Variants in UBE2K observed in about 807,000 individuals in gnomAD.
UBE2K encodes the protein ubiquitin conjugating enzyme E2 K, also known as ubiquitin-conjugating enzyme E2 K.
A neutral mutation model predicts 30.0 loss-of-function variants in UBE2K; 6 were observed. The ratio of observed to expected loss-of-function variants is 0.20; its 90% CI spans 0.11 to 0.39. The LOEUF (loss-of-function observed/expected upper bound fraction) is 0.39, where lower values mean the gene tolerates loss of function less well. Ranked by LOEUF, UBE2K falls within the 10% of genes least tolerant of loss-of-function variation. The pLI is 1.00. For missense variants in UBE2K, 61 were observed against 241.6 expected, an observed-to-expected ratio of 0.25 and a Z score of 4.96; for synonymous variants, 86 against 83.7, an observed-to-expected ratio of 1.03 and a Z score of -0.15.
rs1013862876 is a variant in UBE2K at position 39,707,711 on chromosome 4, G to A, written c.63+9321G>A. ...TAATTTTTATTTTTTGTAGAGATGG[G>A]GTCTCATTGTGTTGCCCAGGTTGGT... On this transcript the variant is annotated intron_variant, in intron 1 of 6. Transcript: ENST00000261427. Among the ~76,000 whole-genome samples the A allele has an allele frequency of 2.6e-5, 4 of 151,144 alleles. No homozygotes were observed. The South Asian group carries it at 8.3e-4, about 32-fold the overall frequency.
At chr4:39,721,968 G>A (rs910844989) in intron 1 of UBE2K, among the ~76,000 whole-genome samples, 14 of 152,010 alleles carry the variant, frequency 9.2e-5, no homozygotes, top group Non-Finnish European at 1.8e-4. Flanking sequence ...ATGTGGCTGT[G>A]GTCCCAGCTG....
chr4:39,762,559 T>C (rs1265221094), intron 4 of UBE2K, among the ~76,000 whole-genome samples: 1 of 152,142 alleles, frequency 6.6e-6, no homozygotes, highest in African/African-American at 2.4e-5. Flanking sequence ...CAGCAGAAGA[T>C]GAAAGAGGAG....
At chr4:39,719,042 G>C (rs1719274568) in intron 1 of UBE2K, among the ~76,000 whole-genome samples, 1 of 152,244 alleles carries the variant, frequency 6.6e-6, no homozygotes, top group Non-Finnish European at 1.5e-5. Context: ...GGCTGTGAGG[G>C]CTGCCAGCAC....
intron 4 of UBE2K, among the ~76,000 whole-genome samples, chr4:39,759,141 A>T (rs1423477918): frequency 6.6e-6 from 1 of 152,216 alleles, no homozygotes; most frequent in Non-Finnish European, 1.5e-5. Flanking sequence ...TCTTAATCAT[A>T]GGAAAAATGA....
chr4:39,749,952 ACT>A (rs1353706352), intron 3 of UBE2K, among the ~76,000 whole-genome samples: 1 of 152,150 alleles, frequency 6.6e-6, no homozygotes, highest in Admixed American at 6.6e-5. Context: ...TAATCCCAGG[ACT>A]CTGGGAGGCC....
At chr4:39,732,207 TCTTATC>T (rs1299165012) in intron 1 of UBE2K, among the ~76,000 whole-genome samples, 1 of 152,232 alleles carries the variant, frequency 6.6e-6, no homozygotes, top group Non-Finnish European at 1.5e-5. Flanking sequence ...TGAGGAACTA[TCTTATC>T]CTTAGTTGAC....
At chr4:39,747,021 C>T (rs1273664280) in intron 3 of UBE2K, among the ~76,000 whole-genome samples, 1 of 152,120 alleles carries the variant, frequency 6.6e-6, no homozygotes, top group East Asian at 1.9e-4. Flanking sequence ...AGCAGTCACT[C>T]AGAATGTTCT....
chr4:39,750,707 T>G (rs867461231), intron 3 of UBE2K, among the ~76,000 whole-genome samples: 1 of 147,714 alleles, frequency 6.8e-6, no homozygotes, highest in Non-Finnish European at 1.5e-5. Context: ...GAGATAATCT[T>G]GAAGATTAAA....
At chr4:39,736,947 GT>G (rs1285678271) in intron 1 of UBE2K, among the ~76,000 whole-genome samples, 1 of 152,176 alleles carries the variant, frequency 6.6e-6, no homozygotes, top group African/African-American at 2.4e-5. Context: ...AACATTTAAA[GT>G]TGTTATGGTT....
chr4:39,773,365 G>C (rs1312345545), intron 4 of UBE2K, among the ~76,000 whole-genome samples: 1 of 152,016 alleles, frequency 6.6e-6, no homozygotes, highest in Non-Finnish European at 1.5e-5. Context: ...CTACTTGTGA[G>C]GCTGAGGCAG....
chr4:39,707,690 T>C (rs1718445979), intron 1 of UBE2K, among the ~76,000 whole-genome samples: 1 of 151,166 alleles, frequency 6.6e-6, no homozygotes. Flanking sequence ...CCTGGCTAAT[T>C]TTTATTTTTT....
intron 1 of UBE2K, among the ~76,000 whole-genome samples, chr4:39,736,836 C>T (rs1336923768): frequency 6.6e-6 from 1 of 152,166 alleles, no homozygotes; most frequent in Non-Finnish European, 1.5e-5. Flanking sequence ...TCTTTTGAGG[C>T]ATTTAGTCCT....
chr4:39,757,011 G>GTTTGT (rs1721558962), intron 4 of UBE2K, among the ~76,000 whole-genome samples: 2 of 76,824 alleles, frequency 2.6e-5, no homozygotes, highest in Non-Finnish European at 5.0e-5. Context: ...TTTTTTTTTT[G>GTTTGT]TTTTTTGTTT....
intron 3 of UBE2K, among the ~76,000 whole-genome samples, chr4:39,752,278 G>C (rs374182458): frequency 1.3e-5 from 2 of 149,606 alleles, no homozygotes; most frequent in Non-Finnish European, 3.0e-5. Context: ...TGCAGTAGCT[G>C]GGACTACAGG....
intron 3 of UBE2K, among the ~76,000 whole-genome samples, chr4:39,752,526 CG>C (rs1443059786): frequency 1.3e-5 from 2 of 151,744 alleles, no homozygotes; most frequent in African/African-American, 4.8e-5. Flanking sequence ...TTAGTAGAGA[CG>C]GGGTTTCACC....
chr4:39,775,195 A>G (rs1190829873), intron 5 of UBE2K, among the ~76,000 whole-genome samples: 4 of 152,174 alleles, frequency 2.6e-5, no homozygotes, highest in Non-Finnish European at 1.5e-5. Flanking sequence ...GTGAACACCC[A>G]TATTCCTACC....
intron 1 of UBE2K, chr4:39,714,567 A>C (rs1336383178): frequency 1.2e-4 from 1 of 8,686 alleles, no homozygotes; most frequent in Non-Finnish European, 2.2e-4. Flanking sequence ...TTTTTTTTTA[A>C]GACTGAGTCT....
intron 1 of UBE2K, among the ~76,000 whole-genome samples, chr4:39,711,364 G>A (rs986504729): frequency 1.3e-5 from 2 of 151,342 alleles, no homozygotes; most frequent in Admixed American, 6.6e-5. Flanking sequence ...GGGTTTCACC[G>A]TGTTAGCCTG....
chr4:39,743,056 A>G (rs893723634), intron 2 of UBE2K, among the ~76,000 whole-genome samples: 3 of 152,020 alleles, frequency 2.0e-5, no homozygotes, highest in Non-Finnish European at 1.5e-5. Context: ...GAAAAAAAAA[A>G]AAAGAGAAGG....
Sources: gnomAD v4.1 joint callset for allele counts (sites outside exome capture counted in the v4.1 genomes callset) on GRCh38, gnomAD v4.1.1 for gene constraint, MANE v1.5 for transcripts, NCBI Gene and HGNC (gene_info 2026-07-23, HGNC 2026-07-21) for gene names.